The following ADAMTSL1 variants were observed in gnomAD, a reference collection of about 807,000 sequenced individuals.
ADAMTSL1 encodes the protein ADAMTS-like protein 1.
ADAMTSL1 carries 126 observed loss-of-function variants against 201.8 expected under a neutral mutation model. That is an observed-to-expected ratio of 0.62 (90% CI 0.54 to 0.72). ADAMTSL1 has a LOEUF of 0.72. Ranked by LOEUF, ADAMTSL1 falls within the 30% of genes least tolerant of loss-of-function variation. The pLI is 0.00. For missense variants in ADAMTSL1, 2,679 were observed against 2,277.8 expected (o/e 1.18, Z -3.59); for synonymous variants, 1,121 against 903.4 (o/e 1.24, Z -4.32).
At chr9:18,737,217 G>A (rs1038955646) in intron 15 of ADAMTSL1, among the ~76,000 whole-genome samples, 2 of 151,390 alleles carry the variant, frequency 1.3e-5, no homozygotes, top group Non-Finnish European at 2.9e-5. Context: ...TACTCGGGAG[G>A]CTGAGGCAGG....
chr9:18,545,348 A>G (rs974336647), intron 3 of ADAMTSL1, among the ~76,000 whole-genome samples: 4 of 152,156 alleles, frequency 2.6e-5, no homozygotes, highest in African/African-American at 9.7e-5. Context: ...GCACATGCTC[A>G]TTTCACCATA....
chr9:18,540,704 A>G (rs183781374), intron 3 of ADAMTSL1, among the ~76,000 whole-genome samples: 11 of 152,268 alleles, frequency 7.2e-5, no homozygotes, highest in South Asian at 4.1e-4. Flanking sequence ...TGGTGACTCT[A>G]TCTACCCCTT....
At position 18,712,066 on chromosome 9, in the gene ADAMTSL1, GA is replaced by G. The variant is rs1200438536; in HGVS notation, c.1876+5021del. Among the ~76,000 whole-genome samples the G allele has an allele frequency of 1.3e-4, 19 of 151,316 alleles. No homozygotes were observed. The East Asian group carries it at 3.5e-3, about 28-fold the overall frequency. ...CTGTTAGAAGGAAAACTAACAAACA[GA>G]AAGGACATCCACACCAAAAACCCAT... is the stretch of plus-strand genomic sequence containing the variant. On this transcript the variant is annotated intron_variant, in intron 14 of 28. Transcript: ENST00000380548.
chr9:18,515,561 G>C (rs191785875), intron 2 of ADAMTSL1, among the ~76,000 whole-genome samples: 12 of 152,032 alleles, frequency 7.9e-5, no homozygotes, highest in African/African-American at 2.9e-4. Flanking sequence ...TGTCTCCCTC[G>C]TGAGCTCAAG....
chr9:18,838,639 C>A (rs138530046), intron 23 of ADAMTSL1, among the ~76,000 whole-genome samples: 11 of 152,048 alleles, frequency 7.2e-5, no homozygotes, highest in Middle Eastern at 3.4e-3. Context: ...CCAGCCTGGG[C>A]AACACAGCAA....
At chr9:18,267,877 G>A (rs1260096772) in intron 2 of ADAMTSL1, among the ~76,000 whole-genome samples, 1 of 151,326 alleles carries the variant, frequency 6.6e-6, no homozygotes, top group African/African-American at 2.4e-5. Context: ...TTCTTTGAAT[G>A]AAAGATTTCT....
chr9:18,079,307 A>G (rs1045335429), intron 1 of ADAMTSL1, among the ~76,000 whole-genome samples: 4 of 152,134 alleles, frequency 2.6e-5, no homozygotes, highest in Non-Finnish European at 4.4e-5. Flanking sequence ...TCACATTGGG[A>G]TTTCACTGCT....
At chr9:18,398,723 A>T (rs931047541) in intron 2 of ADAMTSL1, among the ~76,000 whole-genome samples, 15 of 152,286 alleles carry the variant, frequency 9.8e-5, no homozygotes, top group Admixed American at 9.8e-4. Flanking sequence ...GTAGGATCTT[A>T]TAGGCTGTTT....
At chr9:17,989,264 C>A (rs1157155803) in intron 1 of ADAMTSL1, among the ~76,000 whole-genome samples, 1 of 151,386 alleles carries the variant, frequency 6.6e-6, no homozygotes, top group Non-Finnish European at 1.5e-5. Flanking sequence ...TTTGTGTGTT[C>A]AGAATTTTAA....
chr9:18,825,189 C>T (rs1824470661), intron 21 of ADAMTSL1, among the ~76,000 whole-genome samples: 1 of 152,120 alleles, frequency 6.6e-6, no homozygotes, highest in Non-Finnish European at 1.5e-5. Flanking sequence ...CCTCCTAAAA[C>T]AGCATCTAGG....
chr9:18,026,448 G>T (rs151291753), intron 1 of ADAMTSL1, among the ~76,000 whole-genome samples: 123 of 152,124 alleles, frequency 8.1e-4, no homozygotes, highest in African/African-American at 2.7e-3. Context: ...AGCTTTTTCT[G>T]TGTCTATTGA....
chr9:18,530,415 A>G (rs1341057), intron 2 of ADAMTSL1, among the ~76,000 whole-genome samples: 7,843 of 152,238 alleles, frequency 0.052, 590 homozygotes, highest in African/African-American at 0.16. Context: ...ACCTTTTAAA[A>G]GCAAAATCTC....
At chr9:18,126,536 G>A (rs568731770) in intron 1 of ADAMTSL1, among the ~76,000 whole-genome samples, 6 of 152,256 alleles carry the variant, frequency 3.9e-5, no homozygotes, top group African/African-American at 1.2e-4. Context: ...TGCACCACAC[G>A]TGGCAGAGTG....
chr9:18,845,244 C>A (rs1478190019), intron 23 of ADAMTSL1, among the ~76,000 whole-genome samples: 1 of 152,068 alleles, frequency 6.6e-6, no homozygotes, highest in Admixed American at 6.6e-5. Flanking sequence ...CAGAGGAACT[C>A]CTCACAAATC....
chr9:18,499,864 A>G (rs1822741618), intron 1 of ADAMTSL1, among the ~76,000 whole-genome samples: 1 of 151,998 alleles, frequency 6.6e-6, no homozygotes, highest in Non-Finnish European at 1.5e-5. Flanking sequence ...AAAACTATCA[A>G]GCATTTCCTC....
intron 16 of ADAMTSL1, among the ~76,000 whole-genome samples, chr9:18,766,563 T>A (rs1820377332): frequency 6.6e-6 from 1 of 152,204 alleles, no homozygotes; most frequent in African/African-American, 2.4e-5. Context: ...TACCGTAGAC[T>A]GAGTAGCTTA....
intron 1 of ADAMTSL1, among the ~76,000 whole-genome samples, chr9:17,953,405 G>A (rs1040417845): frequency 6.6e-6 from 1 of 152,114 alleles, no homozygotes; most frequent in Non-Finnish European, 1.5e-5. Flanking sequence ...AGTTTCCAAG[G>A]GGAGAATAGA....
At chr9:18,317,684 C>T (rs1749865167) in intron 2 of ADAMTSL1, among the ~76,000 whole-genome samples, 1 of 152,206 alleles carries the variant, frequency 6.6e-6, no homozygotes, top group African/African-American at 2.4e-5. Flanking sequence ...ACTTCAGCAC[C>T]CAGCCTGCTC....
At chr9:18,729,746 G>A (rs1003418536) in intron 15 of ADAMTSL1, among the ~76,000 whole-genome samples, 1 of 152,170 alleles carries the variant, frequency 6.6e-6, no homozygotes, top group Non-Finnish European at 1.5e-5. Context: ...TTTGGGAATG[G>A]TCCTGGAGGG....
Sources: allele counts gnomAD v4.1 joint callset (sites outside exome capture counted in the v4.1 genomes callset), GRCh38; gene constraint gnomAD v4.1.1; transcripts MANE v1.5; gene names NCBI Gene and HGNC (gene_info 2026-07-23, HGNC 2026-07-21).